The following XIAP variants were observed in gnomAD, a reference collection of about 807,000 sequenced individuals.
XIAP encodes the protein X-linked inhibitor of apoptosis.
A neutral mutation model predicts 33.1 loss-of-function variants in XIAP; 3 were observed. The observed-to-expected ratio is 0.09, with a 90% CI of 0.04 to 0.23. XIAP has a LOEUF of 0.23. XIAP is among the 10% of genes least tolerant of loss of function. XIAP has a pLI of 1.00. For synonymous variants in XIAP, 98 were observed against 121.3 expected, an observed-to-expected ratio of 0.81 and a Z score of 1.26; for missense variants, 264 against 363.0, an observed-to-expected ratio of 0.73 and a Z score of 2.22.
intron 1 of XIAP, chrX:123,873,664 A>G (rs1343663331): frequency 9.2e-6 from 1 of 108,902 alleles, no homozygotes; most frequent in East Asian, 2.9e-4. Context: ...GGCGGCACAC[A>G]CCTGTAATCC....
chrX:123,882,965 A>AT (rs1313795218), intron 1 of XIAP, among the ~76,000 whole-genome samples: 2 of 106,559 alleles, frequency 1.9e-5, no homozygotes, highest in Admixed American at 1.0e-4. Flanking sequence ...TTTCTTTTTT[A>AT]TTTTTTTTTA....
In XIAP at chrX:123,885,702, C is replaced by T; in HGVS notation, c.40C>T (p.Pro14Ser). 7.4e-6 allele frequency: 9 copies of T among 1,210,238 alleles called. No individual in the cohort carries two copies. The highest frequency in any genetic ancestry group is 1.0e-5 in the Non-Finnish European group (9 of 894,820). The change falls in exon 2 of 7, where the codon CCT (proline) becomes TCT (serine). Residue 14 changes from proline (P) to serine (S), a missense_variant. By Grantham distance (74) the Pro-to-Ser change is moderately conservative. Transcript: ENST00000371199. Reference protein sequence around the residue: ...NSFEGSKTCVPADINKEEEFV... With the variant: ...NSFEGSKTCVSADINKEEEFV... ...TTTTGAAGGATCTAAAACTTGTGTACCTGCAGACATCAATAAGGAAGAAGA... is the reference window on the plus strand; with the variant it reads ...TTTTGAAGGATCTAAAACTTGTGTATCTGCAGACATCAATAAGGAAGAAGA...
chrX:123,887,328 A>G (rs772608706), intron 2 of XIAP, among the ~76,000 whole-genome samples: 2 of 112,501 alleles, frequency 1.8e-5, no homozygotes, highest in African/African-American at 3.2e-5. Flanking sequence ...GATTACAGGC[A>G]TGAGCCACTG....
chrX:123,886,425 A>G lies in XIAP; in HGVS notation c.763A>G (p.Asn255Asp). The G allele has an allele frequency of 8.3e-7, 1 of 1,211,538 alleles. No individual in the cohort carries two copies. Among genetic ancestry groups the G allele is most frequent in the Non-Finnish European group, 1.1e-6 (1 of 895,614 alleles). Reference protein sequence around the residue: ...SSDRNFPNSTNLPRNPSMADY... With the variant: ...SSDRNFPNSTDLPRNPSMADY... ...TGATAGGAATTTCCCAAATTCAACAAATCTTCCAAGAAATCCATCCATGGC... is the reference window on the plus strand; with the variant it reads ...TGATAGGAATTTCCCAAATTCAACAGATCTTCCAAGAAATCCATCCATGGC... Residue 255 changes from asparagine to aspartate, a missense_variant, in exon 2 of 7, where the codon AAT becomes GAT. Asn to Asp is a conservative substitution (Grantham distance 23). Coordinates refer to ENST00000371199, the MANE Select transcript of XIAP (RefSeq NM_001167.4).
intron 3 of XIAP, among the ~76,000 whole-genome samples, chrX:123,890,639 CA>C (rs35753586): frequency 0.012 from 710 of 58,253 alleles, 10 homozygotes; most frequent in African/African-American, 0.042. Context: ...GACACTGTCT[CA>C]AAAAAAAAAA....
At chrX:123,893,874 A>T (rs2053434504) in intron 5 of XIAP, among the ~76,000 whole-genome samples, 1 of 112,321 alleles carries the variant, frequency 8.9e-6, no homozygotes, top group Non-Finnish European at 1.9e-5. Context: ...AATCAGTCAG[A>T]CGTGTCTGTA....
At chrX:123,896,927 A>ATTTTT (rs55979065) in intron 5 of XIAP, among the ~76,000 whole-genome samples, 1 of 75,291 alleles carries the variant, frequency 1.3e-5, no homozygotes, top group Non-Finnish European at 2.5e-5. Context: ...AACGTCTTTA[A>ATTTTT]TTTTTTTTTT....
chrX:123,893,257 C>T (rs907346978), intron 5 of XIAP, among the ~76,000 whole-genome samples: 4 of 109,621 alleles, frequency 3.6e-5, no homozygotes, highest in Non-Finnish European at 5.7e-5. Flanking sequence ...TGGTAGCTCA[C>T]GCCTGTAATC....
At position 123,909,076 on chromosome X, in the gene XIAP, TG is replaced by T; in HGVS notation, c.*1897del. On this transcript the variant is annotated 3_prime_UTR_variant, in exon 7 of 7. Coordinates refer to ENST00000371199, the MANE Select transcript of XIAP (RefSeq NM_001167.4). ...ATGGAGTCTTGCTTGTCACCCAGGCTGGAGTGCAGTGGAGTGATCTCTGCTC... is the reference window on the plus strand; with the variant it reads ...ATGGAGTCTTGCTTGTCACCCAGGCTGAGTGCAGTGGAGTGATCTCTGCTC... 3.6e-6 allele frequency: 1 copy of T among 276,567 alleles called. No homozygotes were observed. 22.8% of individuals were successfully genotyped at this position (276,567 alleles called of 1,213,427 possible). A position where few individuals can be genotyped will look rare whatever the true frequency, so the allele number is the denominator to read the frequency against.
chrX:123,873,946 A>G (rs1014031743), intron 1 of XIAP: 2 of 110,044 alleles, frequency 1.8e-5, no homozygotes, highest in Non-Finnish European at 3.8e-5. Flanking sequence ...AAAAAAAAAA[A>G]AAAACCTGGT....
chrX:123,894,904 A>G (rs2053445255), intron 5 of XIAP, among the ~76,000 whole-genome samples: 1 of 110,488 alleles, frequency 9.1e-6, no homozygotes, highest in South Asian at 3.8e-4. Flanking sequence ...AGATCATGCT[A>G]CTGCACTCCA....
At chrX:123,867,671 C>CTTTTTT (rs747177182) in intron 1 of XIAP, among the ~76,000 whole-genome samples, 2 of 66,896 alleles carry the variant, frequency 3.0e-5, no homozygotes, top group Non-Finnish European at 5.4e-5. Context: ...CGTACCTGGC[C>CTTTTTT]TTTTTTTTTT....
intron 1 of XIAP, among the ~76,000 whole-genome samples, chrX:123,882,287 C>T (rs957623822): frequency 1.8e-5 from 2 of 111,333 alleles, no homozygotes; most frequent in Non-Finnish European, 3.8e-5. Flanking sequence ...AAAGCCCATC[C>T]TTGGGTTAAA....
At chrX:123,895,867 T>A (rs1271834413) in intron 5 of XIAP, among the ~76,000 whole-genome samples, 1 of 107,828 alleles carries the variant, frequency 9.3e-6, no homozygotes, top group Non-Finnish European at 1.9e-5. Flanking sequence ...GTTCAAGCGA[T>A]CCTCCTGACT....
chrX:123,869,556 A>G (rs1018613185), intron 1 of XIAP, among the ~76,000 whole-genome samples: 2 of 108,764 alleles, frequency 1.8e-5, no homozygotes, highest in Admixed American at 1.0e-4. Context: ...AAACACAGAC[A>G]TCTCAGCATA....
intron 5 of XIAP, 22 bp downstream of exon 5, chrX:123,892,795 C>A: frequency 8.7e-7 from 1 of 1,152,407 alleles, no homozygotes; most frequent in Non-Finnish European, 1.2e-6. Context: ...TGTTAACTAT[C>A]CTTTTAATTT....
At chrX:123,898,778 C>T (rs1472846451) in intron 5 of XIAP, among the ~76,000 whole-genome samples, 3 of 106,340 alleles carry the variant, frequency 2.8e-5, no homozygotes, top group African/African-American at 1.0e-4. Context: ...CAGGTGTGAG[C>T]CACTGCACCC....
intron 1 of XIAP, among the ~76,000 whole-genome samples, chrX:123,871,627 C>G (rs914438111): frequency 9.1e-6 from 1 of 109,891 alleles, no homozygotes; most frequent in African/African-American, 3.3e-5. Flanking sequence ...ACTACAGGCT[C>G]CAGCCACCAT....
chrX:123,899,144 A>AAAAAAT (rs1186271285), intron 5 of XIAP, among the ~76,000 whole-genome samples: 1 of 50,184 alleles, frequency 2.0e-5, no homozygotes, highest in Non-Finnish European at 3.5e-5. Flanking sequence ...AAAAAAAAAA[A>AAAAAAT]ATATATATAT....
Sources: allele counts gnomAD v4.1 joint callset (sites outside exome capture counted in the v4.1 genomes callset), GRCh38; gene constraint gnomAD v4.1.1; transcripts MANE v1.5; gene names NCBI Gene and HGNC (gene_info 2026-07-23, HGNC 2026-07-21).